Variants in RELB observed in about 807,000 individuals in gnomAD.
RELB encodes the protein RELB proto-oncogene, NF-kB subunit.
Under a neutral mutation model 55.4 loss-of-function variants are expected in RELB, and 14 were observed. The observed-to-expected ratio is 0.25, with a 90% CI of 0.17 to 0.40. The LOEUF is 0.40. Ranked by LOEUF, RELB falls within the 10% of genes least tolerant of loss-of-function variation. The pLI is 1.00. For synonymous variants in RELB, 409 were observed against 371.3 expected, an observed-to-expected ratio of 1.10 and a Z score of -1.17; for missense variants, 669 against 830.7, an observed-to-expected ratio of 0.81 and a Z score of 2.39.
chr19:45,021,559 G>T (rs977831910), intron 4 of RELB, among the ~76,000 whole-genome samples: 5 of 145,230 alleles, frequency 3.4e-5, no homozygotes, highest in Non-Finnish European at 7.5e-5. Flanking sequence ...TCTGGTTTAG[G>T]ATATCAAAGT....
chr19:45,003,156 T>C (rs746433482), intron 2 of RELB, among the ~76,000 whole-genome samples, 160 bp downstream of exon 2: 5 of 152,100 alleles, frequency 3.3e-5, no homozygotes, highest in Non-Finnish European at 5.9e-5. Context: ...CCCTAGGTTT[T>C]CTTACCTCTT....
At chr19:45,028,283 A>C (rs1275957693) in intron 7 of RELB, among the ~76,000 whole-genome samples, 1 of 151,950 alleles carries the variant, frequency 6.6e-6, no homozygotes, top group Non-Finnish European at 1.5e-5. Flanking sequence ...GGGCCCCCAA[A>C]AGTGCTGGGA....
intron 1 of RELB, among the ~76,000 whole-genome samples, chr19:45,002,471 G>GC (rs942623875): frequency 2.0e-5 from 3 of 152,124 alleles, no homozygotes; most frequent in Admixed American, 6.5e-5. Flanking sequence ...TCCTGCCTCA[G>GC]CCCCCCGAGT....
chr19:45,021,953 TG>T, intron 4 of RELB, 99 bp from the exon 5 acceptor site: 1 of 1,188,818 alleles, frequency 8.4e-7, no homozygotes, highest in Non-Finnish European at 1.2e-6. Context: ...AGGACCCTAG[TG>T]GGGAGAGGAT....
chr19:45,034,371 A>G, intron 10 of RELB, 59 bp downstream of exon 10: 2 of 1,601,868 alleles, frequency 1.2e-6, no homozygotes, highest in East Asian at 4.5e-5. Context: ...GGGACAGCTG[A>G]CCCCACTGCC....
intron 2 of RELB, among the ~76,000 whole-genome samples, chr19:45,003,906 G>A (rs943580485): frequency 8.0e-5 from 5 of 62,538 alleles, no homozygotes; most frequent in African/African-American, 1.1e-4. Context: ...TTTTTTGTCT[G>A]TTTTTTGTGT....
intron 4 of RELB, among the ~76,000 whole-genome samples, chr19:45,012,746 GAA>G (rs145397577): frequency 1.4e-5 from 2 of 142,212 alleles, no homozygotes; most frequent in African/African-American, 2.6e-5. Flanking sequence ...CAAAAAAAAA[GAA>G]AAAAAAAAAA....
intron 2 of RELB, among the ~76,000 whole-genome samples, 183 bp from the exon 3 acceptor site, chr19:45,009,631 C>A (rs1971324795): frequency 1.3e-5 from 2 of 152,100 alleles, no homozygotes; most frequent in Non-Finnish European, 2.9e-5. Context: ...GATGGTAGCC[C>A]AGAGGAGAAG....
intron 10 of RELB, 47 bp downstream of exon 10, chr19:45,034,359 A>C: frequency 6.2e-7 from 1 of 1,602,408 alleles, no homozygotes; most frequent in Non-Finnish European, 8.6e-7. Context: ...GGTTCTGGGG[A>C]GGGGACAGCT....
At chr19:45,027,636 G>A (rs1971574214) in intron 7 of RELB, among the ~76,000 whole-genome samples, 1 of 152,048 alleles carries the variant, frequency 6.6e-6, no homozygotes, top group Non-Finnish European at 1.5e-5. Flanking sequence ...CTCAATTACT[G>A]CTGAGCTAGG....
chr19:45,003,680 T>G (rs1443475654), intron 2 of RELB: 1 of 502,766 alleles, frequency 2.0e-6, no homozygotes, highest in Non-Finnish European at 3.9e-6. Context: ...GCCTCAGTTT[T>G]CCTCATCTGT....
intron 3 of RELB, among the ~76,000 whole-genome samples, 194 bp downstream of exon 3, chr19:45,010,016 C>G (rs920917359): frequency 6.6e-6 from 1 of 151,990 alleles, no homozygotes. Context: ...ACACTCAGCA[C>G]GCCGGGGGCT....
intron 2 of RELB, among the ~76,000 whole-genome samples, chr19:45,005,093 C>T (rs112293672): frequency 0.012 from 1,755 of 152,226 alleles, 27 homozygotes; most frequent in Non-Finnish European, 0.018. Flanking sequence ...ATCACTTGAA[C>T]CCGGGAGGCG....
chr19:45,038,023 G>A lies in RELB; in HGVS notation c.*233G>A. The A allele has an allele frequency of 2.4e-6, 1 of 417,490 alleles. No individual in the cohort carries two copies. The highest frequency in any genetic ancestry group is 4.2e-6 in the Non-Finnish European group (1 of 237,862). 25.9% of individuals were successfully genotyped at this position (417,490 alleles called of 1,614,324 possible). ...GGACATGGCTCCCGTGCACTAGCTT[G>A]TTACAGCTGCCTCTGTCCCCACATG... On this transcript the variant is annotated 3_prime_UTR_variant, in exon 12 of 12. Transcript: ENST00000221452.
chr19:45,024,107 C>T (rs1419012801), intron 5 of RELB, among the ~76,000 whole-genome samples: 1 of 150,408 alleles, frequency 6.6e-6, no homozygotes, highest in Non-Finnish European at 1.5e-5. Flanking sequence ...TCCCAAAGTG[C>T]TGGGATTACA....
At chr19:45,015,826 G>A (rs937544938) in intron 4 of RELB, among the ~76,000 whole-genome samples, 3 of 151,568 alleles carry the variant, frequency 2.0e-5, no homozygotes, top group East Asian at 1.9e-4. Context: ...TTCAGCCCTG[G>A]AGTCTGCATG....
At chr19:45,011,428 C>T (rs2122409657) in intron 3 of RELB, among the ~76,000 whole-genome samples, 1 of 152,148 alleles carries the variant, frequency 6.6e-6, no homozygotes, top group South Asian at 2.1e-4. Flanking sequence ...TCCCGAAATG[C>T]TGGGATTACA....
chr19:45,020,995 C>T (rs773340611), intron 4 of RELB, among the ~76,000 whole-genome samples: 6 of 152,114 alleles, frequency 3.9e-5, no homozygotes, highest in East Asian at 1.9e-4. Flanking sequence ...GGCAATGTAG[C>T]GAAACTCCGT....
chr19:45,034,691 A>G (rs1600084333), intron 11 of RELB, among the ~76,000 whole-genome samples, 163 bp downstream of exon 11: 1 of 152,156 alleles, frequency 6.6e-6, no homozygotes, highest in East Asian at 1.9e-4. Context: ...CTTTGGAGAC[A>G]GAATGGAAGT....
Sources: allele counts gnomAD v4.1 joint callset (sites outside exome capture counted in the v4.1 genomes callset), GRCh38; gene constraint gnomAD v4.1.1; transcripts MANE v1.5; gene names NCBI Gene and HGNC (gene_info 2026-07-23, HGNC 2026-07-21).